The following HMGB1 variants were observed in gnomAD, a reference collection of about 807,000 sequenced individuals.
The protein encoded by HMGB1 is high mobility group protein B1.
For synonymous variants in HMGB1, 81 were observed against 84.0 expected, an observed-to-expected ratio of 0.96 and a Z score of 0.19; for missense variants, 79 against 253.5, an observed-to-expected ratio of 0.31 and a Z score of 4.67.
chr13:30,516,471 C>T (rs1458174910), intron 1 of HMGB1, among the ~76,000 whole-genome samples: 1 of 152,120 alleles, frequency 6.6e-6, no homozygotes, highest in Admixed American at 6.5e-5. Flanking sequence ...TAGTTTCAGC[C>T]ATACCATATA....
At chr13:30,548,870 T>C (rs1315296895) in intron 1 of HMGB1, among the ~76,000 whole-genome samples, 2 of 152,182 alleles carry the variant, frequency 1.3e-5, no homozygotes, top group Non-Finnish European at 2.9e-5. Flanking sequence ...TCTTGGACAG[T>C]AAAGGACATT....
chr13:30,555,088 C>G (rs1434918203), intron 1 of HMGB1, among the ~76,000 whole-genome samples: 1 of 125,186 alleles, frequency 8.0e-6, no homozygotes, highest in African/African-American at 3.1e-5. Context: ...GTTGCCCAGG[C>G]TGGAGTACAG....
intron 1 of HMGB1, among the ~76,000 whole-genome samples, chr13:30,502,616 C>A (rs1340433131): frequency 1.3e-5 from 2 of 151,416 alleles, no homozygotes; most frequent in Admixed American, 1.3e-4. Flanking sequence ...GCATTATTAT[C>A]TAGGTATGCA....
chr13:30,547,323 T>C (rs532186390), intron 1 of HMGB1, among the ~76,000 whole-genome samples: 22 of 152,362 alleles, frequency 1.4e-4, no homozygotes, highest in African/African-American at 5.3e-4. Flanking sequence ...ATAAAAAATA[T>C]TGTTGCTAAA....
chr13:30,488,649 TTA>T (rs1566003546), intron 1 of HMGB1, among the ~76,000 whole-genome samples: 6 of 1,918 alleles, frequency 3.1e-3, no homozygotes, highest in Non-Finnish European at 5.3e-3. Flanking sequence ...TTTAATTTTA[TTA>T]TTATTATTAT....
chr13:30,546,561 G>C (rs1869168265), intron 1 of HMGB1, among the ~76,000 whole-genome samples: 1 of 152,146 alleles, frequency 6.6e-6, no homozygotes, highest in South Asian at 2.1e-4. Context: ...AAAGCTCACT[G>C]CTGCCTTAAC....
At chr13:30,607,910 T>C (rs879663020) in intron 1 of HMGB1, among the ~76,000 whole-genome samples, 1 of 152,204 alleles carries the variant, frequency 6.6e-6, no homozygotes, top group South Asian at 2.1e-4. Flanking sequence ...AGGTATACAG[T>C]GAAATTAACA....
At chr13:30,532,319 A>C (rs926161933) in intron 1 of HMGB1, among the ~76,000 whole-genome samples, 71 of 134,904 alleles carry the variant, frequency 5.3e-4, no homozygotes, top group African/African-American at 2.0e-3. Context: ...TGGGCGACAG[A>C]GCAAGACTCT....
intron 1 of HMGB1, among the ~76,000 whole-genome samples, chr13:30,538,484 TTC>T (rs369718173): frequency 3.0e-5 from 1 of 33,198 alleles, no homozygotes; most frequent in African/African-American, 9.0e-5. Context: ...CTTTCTTTCT[TTC>T]TTTCTTTCTT....
chr13:30,464,361 C>G (rs908735714), intron 1 of HMGB1: 2 of 985,296 alleles, frequency 2.0e-6, no homozygotes, highest in Admixed American at 6.1e-5. Flanking sequence ...TCCGAGTAAA[C>G]AAGGATGAGG....
chr13:30,615,985 AG>A (rs1200068368), intron 1 of HMGB1, among the ~76,000 whole-genome samples: 1 of 152,250 alleles, frequency 6.6e-6, no homozygotes, highest in African/African-American at 2.4e-5. Context: ...TCCCACTGGA[AG>A]GTACTGCACT....
chr13:30,591,507 A>ATT (rs201803303), intron 1 of HMGB1, among the ~76,000 whole-genome samples: 12 of 139,810 alleles, frequency 8.6e-5, no homozygotes, highest in African/African-American at 2.3e-4. Flanking sequence ...AGCACCAGGG[A>ATT]TTTTTTTTTT....
rs1886031500 is a variant in HMGB1 at position 30,457,302 on chromosome 13, CT to C, written c.*4054del. 1 of 152,220 alleles carries C rather than the reference CT, an allele frequency of 6.6e-6. No homozygotes were observed. The highest frequency in any genetic ancestry group is 2.4e-5 in the African/African-American group (1 of 41,414). 9.4% of individuals were successfully genotyped at this position (152,220 alleles called of 1,614,324 possible). A position where few individuals can be genotyped will look rare whatever the true frequency, so the allele number is the denominator to read the frequency against. On this transcript the variant is annotated 3_prime_UTR_variant, in exon 5 of 5. Transcript: ENST00000341423. ...CTGTGCCTGGCTTTCCACTGACTTT[CT>C]ATTTCTGGATTCCAGAGTCTGCATA... is the stretch of plus-strand genomic sequence containing the variant.
intron 1 of HMGB1, among the ~76,000 whole-genome samples, chr13:30,531,781 C>T (rs1018361788): frequency 7.9e-5 from 12 of 151,592 alleles, no homozygotes; most frequent in Admixed American, 7.2e-4. Flanking sequence ...CCTGTAATCC[C>T]AACTACTCGG....
chr13:30,584,914 G>A (rs900810686), intron 1 of HMGB1, among the ~76,000 whole-genome samples: 2 of 152,122 alleles, frequency 1.3e-5, no homozygotes, highest in Non-Finnish European at 1.5e-5. Context: ...GTGGAAGGCC[G>A]AGGAGGGAGG....
rs1223582537 is a variant in HMGB1, at chr13:30,611,525, TTGAAGAC to T, written c.-15+5139_-15+5145del. ...ATAGGGACTTGTGCTCTATTTTTCT[TTGAAGAC>T]TGAAGTAAAAATTCACCTTTGTGAG... On this transcript the variant is annotated intron_variant, in intron 1 of 4. Transcript: ENST00000405805. Among the ~76,000 whole-genome samples, 6 of 152,338 alleles carry T rather than the reference TTGAAGAC, an allele frequency of 3.9e-5. No homozygotes were observed. In the South Asian group the frequency reaches 8.3e-4, roughly 21 times the overall value.
intron 1 of HMGB1, among the ~76,000 whole-genome samples, chr13:30,587,777 C>T (rs1273824129): frequency 1.3e-5 from 2 of 152,146 alleles, no homozygotes; most frequent in Admixed American, 6.5e-5. Flanking sequence ...TCATTATCAA[C>T]AACAACATGA....
chr13:30,583,549 A>G (rs1401448669), intron 1 of HMGB1, among the ~76,000 whole-genome samples: 90 of 150,832 alleles, frequency 6.0e-4, no homozygotes, highest in African/African-American at 2.0e-3. Context: ...AAAAAAAAAA[A>G]AAGAAGCAGG....
intron 1 of HMGB1, among the ~76,000 whole-genome samples, chr13:30,603,415 T>C (rs1950422994): frequency 6.6e-6 from 1 of 152,198 alleles, no homozygotes; most frequent in Non-Finnish European, 1.5e-5. Context: ...TTAATACCCT[T>C]TCTCTCCTTC....
Sources: allele counts gnomAD v4.1 joint callset (sites outside exome capture counted in the v4.1 genomes callset), GRCh38; gene constraint gnomAD v4.1.1; transcripts MANE v1.5; gene names NCBI Gene and HGNC (gene_info 2026-07-23, HGNC 2026-07-21).